The following FAHD2A variants were observed in gnomAD, a reference collection of about 807,000 sequenced individuals.
FAHD2A encodes the protein fumarylacetoacetate hydrolase domain containing 2A.
In FAHD2A, 27 loss-of-function variants were observed where a neutral mutation model predicts 33.4. The observed-to-expected ratio is 0.81, with a 90% CI of 0.60 to 1.11. FAHD2A has a LOEUF of 1.11. Among genes scored for constraint, FAHD2A ranks in the 50% most tolerant of loss-of-function variants. The probability of loss-of-function intolerance (pLI) is 0.00; values close to 1 mark genes in which losing one functional copy is unlikely to be tolerated. For missense variants in FAHD2A, 296 were observed against 395.0 expected (o/e 0.75, Z 2.12); for synonymous variants, 130 against 153.3 (o/e 0.85, Z 1.12).
chr2:95,418,910 T>C (rs1020678689), downstream of FAHD2A, among the ~76,000 whole-genome samples: 10 of 152,102 alleles, frequency 6.6e-5, no homozygotes, highest in African/African-American at 2.4e-4. Flanking sequence ...GATGAGGTCA[T>C]TAGGATTGGT....
intron 6 of FAHD2A, 34 bp downstream of exon 6, chr2:95,412,576 T>C (rs775437855): frequency 5.0e-6 from 8 of 1,613,118 alleles, no homozygotes; most frequent in South Asian, 2.2e-5. Flanking sequence ...CAGCCCCGCT[T>C]CACCTGCCAC....
chr2:95,410,810 T>C, intron 4 of FAHD2A, 54 bp from the exon 5 acceptor site: 1 of 1,605,712 alleles, frequency 6.2e-7, no homozygotes, highest in Non-Finnish European at 8.5e-7. Flanking sequence ...GCCATAGGTG[T>C]TGGTGTCACC....
chr2:95,404,117 CA>C (rs1171246850), intron 1 of FAHD2A, among the ~76,000 whole-genome samples: 1 of 152,156 alleles, frequency 6.6e-6, no homozygotes, highest in Non-Finnish European at 1.5e-5. Flanking sequence ...GCTGCCTCCA[CA>C]TTTTTGGGCA....
intron 1 of FAHD2A, 31 bp from the exon 2 acceptor site, chr2:95,405,522 T>C (rs762802774): frequency 3.0e-5 from 48 of 1,582,640 alleles, no homozygotes; most frequent in East Asian, 2.0e-4. Flanking sequence ...TGGGATCCTC[T>C]GTCTCCTGGA....
chr2:95,418,007 A>G (rs1343500823), downstream of FAHD2A, among the ~76,000 whole-genome samples: 2 of 152,094 alleles, frequency 1.3e-5, no homozygotes, highest in African/African-American at 4.8e-5. Flanking sequence ...TGAGTATCTC[A>G]GACGATAGAA....
chr2:95,418,537 C>T (rs1046320846), downstream of FAHD2A, among the ~76,000 whole-genome samples: 21 of 151,810 alleles, frequency 1.4e-4, no homozygotes, highest in African/African-American at 2.4e-4. Flanking sequence ...AGAGGGCATA[C>T]GTGGAGTAAT....
intron 3 of FAHD2A, among the ~76,000 whole-genome samples, chr2:95,409,297 C>T (rs1682101815): frequency 6.6e-6 from 1 of 152,074 alleles, no homozygotes; most frequent in Admixed American, 6.6e-5. Context: ...TCTATTATTG[C>T]ACTGGGGGTT....
In FAHD2A at chr2:95,410,868, C is replaced by T. The variant is rs140892236; in HGVS notation, c.527C>T (p.Thr176Ile). The T allele has an allele frequency of 1.3e-4, 206 of 1,613,944 alleles. 1 individual carries two copies. The African/African-American group carries it at 2.4e-3, about 19-fold the overall frequency. The change falls in exon 5 of 8, where the codon ACA (threonine) becomes ATA (isoleucine). Residue 176 changes from threonine to isoleucine, a missense_variant. Transcript: ENST00000233379. ...IGKKGKHIKATDAMAHVAGFT... is the reference protein window; with the variant it reads ...IGKKGKHIKAIDAMAHVAGFT... ...CCAAATCCCCTGCCCCCATAGGCCA[C>T]AGATGCTATGGCCCACGTGGCCGGC...
At chr2:95,419,288 C>T (rs1683281611), downstream of FAHD2A, among the ~76,000 whole-genome samples, 1 of 151,952 alleles carries the variant, frequency 6.6e-6, no homozygotes, top group Non-Finnish European at 1.5e-5. Flanking sequence ...GAGTTAAATG[C>T]TTTTAATAAA....
downstream of FAHD2A, among the ~76,000 whole-genome samples, chr2:95,417,841 C>G (rs189989700): frequency 6.6e-6 from 1 of 152,218 alleles, no homozygotes; most frequent in Non-Finnish European, 1.5e-5. Flanking sequence ...AGGGCTCCAT[C>G]CCCATGACCC....
rs749155144 is a variant in FAHD2A at position 95,412,450 on chromosome 2, G to A, written c.702G>A (p.Lys234=). Residue 234 remains lysine, a synonymous_variant, in exon 6 of 8, where the codon AAG becomes AAA. Transcript: ENST00000233379. ...KDSVADPHNL[K]ICCRVNGEVV... ...GCATTTCAGATCCACACAACTTAAA[G>A]ATCTGCTGCCGAGTGAATGGGGAAG... 1.2e-6 allele frequency: 2 copies of A among 1,613,912 alleles called. No homozygotes were observed. The highest frequency in any genetic ancestry group is 3.3e-5 in the Admixed American group (2 of 60,016).
Position 95,414,015 on chromosome 2 carries a change from T to A in FAHD2A, c.*1058T>A. On this transcript the variant is annotated 3_prime_UTR_variant, in exon 8 of 8. Coordinates refer to ENST00000233379, the MANE Select transcript of FAHD2A (RefSeq NM_016044.3). Reference sequence around the variant, plus strand: ...GATGGCAAGCTTTGGGTCTGCACACTCTGGAAAGAAGAGAGAAGTGAAGGC... The same window carrying A: ...GATGGCAAGCTTTGGGTCTGCACACACTGGAAAGAAGAGAGAAGTGAAGGC... The A allele has an allele frequency of 1.4e-6, 2 of 1,454,688 alleles. No homozygotes were observed. Among genetic ancestry groups the A allele is most frequent in the Non-Finnish European group, 1.9e-6 (2 of 1,036,326 alleles). 90.1% of individuals were successfully genotyped at this position (1,454,688 alleles called of 1,614,324 possible). A position where few individuals can be genotyped will look rare whatever the true frequency, so the allele number is the denominator to read the frequency against.
downstream of FAHD2A, among the ~76,000 whole-genome samples, chr2:95,417,374 C>T (rs1345110884): frequency 6.6e-6 from 1 of 152,074 alleles, no homozygotes; most frequent in African/African-American, 2.4e-5. Context: ...TTTCAGGCTT[C>T]CTGACTAAGA....
At chr2:95,412,836 G>C (rs1682766619) in intron 7 of FAHD2A, 59 bp from the exon 8 acceptor site, 2 of 1,614,140 alleles carry the variant, frequency 1.2e-6, no homozygotes, top group Non-Finnish European at 1.7e-6. Context: ...GAGAAGTACA[G>C]GCTTGTGTAT....
In FAHD2A at chr2:95,415,838, C is replaced by G. The variant is rs1352339948; in HGVS notation, c.*2881C>G. ...AGCCCCTCCAGAAGCAGAGCATGAC[C>G]TGGGTGACTTTGAGGATGCTATTTA... On this transcript the variant is annotated 3_prime_UTR_variant, in exon 8 of 8. Coordinates refer to ENST00000233379, the MANE Select transcript of FAHD2A (RefSeq NM_016044.3). 1.3e-5 allele frequency: 2 copies of G among 152,630 alleles called. No homozygotes were observed. Among genetic ancestry groups the G allele is most frequent in the African/African-American group, 2.4e-5 (1 of 41,452 alleles). The allele number at this position is 152,630 out of a possible 1,614,324, so 9.5% of individuals were successfully genotyped here.
intron 2 of FAHD2A, 54 bp from the exon 3 acceptor site, chr2:95,406,887 G>T: frequency 6.5e-7 from 1 of 1,530,088 alleles, no homozygotes; most frequent in East Asian, 2.4e-5. Context: ...CAGCCTGCCC[G>T]GGATTGCCCA....
At position 95,410,848 on chromosome 2, in the gene FAHD2A, T is replaced by A; in HGVS notation, c.523-16T>A. The stretch of plus-strand genomic sequence containing the variant: ...TGATCTAACCTCCTGTATGGCCAAA[T>A]CCCCTGCCCCCATAGGCCACAGATG... On this transcript the variant is annotated splice_polypyrimidine_tract_variant and intron_variant, in intron 4 of 7. Coordinates refer to ENST00000233379, the MANE Select transcript of FAHD2A (RefSeq NM_016044.3). The A allele has an allele frequency of 2.5e-6, 4 of 1,613,644 alleles. No individual in the cohort carries two copies. The highest frequency in any genetic ancestry group is 3.4e-6 in the Non-Finnish European group (4 of 1,179,686).
rs371655595 is a variant in FAHD2A, at chr2:95,409,076, T to C, written c.463-1451T>C. 1.4e-4 allele frequency among the ~76,000 whole-genome samples: 22 copies of C among 152,358 alleles called. No homozygotes were observed. The East Asian group carries it at 2.9e-3, about 20-fold the overall frequency. ...CAAGAGATCTACAAAGCAGATGTTA[T>C]ACATTTTCCATCGTATCCCACTGGG... On this transcript the variant is annotated intron_variant, in intron 3 of 7. Transcript: ENST00000233379.
intron 4 of FAHD2A, 75 bp downstream of exon 4, chr2:95,410,661 C>T (rs6577014): frequency 0.98 from 1,553,772 of 1,584,114 alleles, 762,077 homozygotes; most frequent in East Asian, 1. Flanking sequence ...AGTTCTGACC[C>T]CACTCACCAA....
Sources: gnomAD v4.1 joint callset for allele counts (sites outside exome capture counted in the v4.1 genomes callset) on GRCh38, gnomAD v4.1.1 for gene constraint, MANE v1.5 for transcripts, NCBI Gene and HGNC (gene_info 2026-07-23, HGNC 2026-07-21) for gene names.